ABCB1: variants seen among roughly 807,000 people sequenced by gnomAD.
ABCB1 encodes ATP binding cassette subfamily B member 1, also known as ATP-dependent translocase ABCB1.
A neutral mutation model predicts 142.0 loss-of-function variants in ABCB1; 69 were observed. The ratio of observed to expected loss-of-function variants is 0.49; its 90% CI spans 0.40 to 0.59. The LOEUF (loss-of-function observed/expected upper bound fraction) is 0.59. ABCB1 is among the 20% of genes least tolerant of loss of function. ABCB1 has a pLI of 0.00. For synonymous variants in ABCB1, 532 were observed against 539.2 expected, an observed-to-expected ratio of 0.99 and a Z score of 0.18; for missense variants, 1,326 against 1,554.7, an observed-to-expected ratio of 0.85 and a Z score of 2.47.
intron 3 of ABCB1, among the ~76,000 whole-genome samples, chr7:87,591,872 G>C (rs559022994): frequency 6.6e-6 from 1 of 152,208 alleles, no homozygotes; most frequent in Non-Finnish European, 1.5e-5. Flanking sequence ...CCTGTGATAA[G>C]GGGTTGAGGA....
chr7:87,620,556 G>T (rs941811512), intron 1 of ABCB1, among the ~76,000 whole-genome samples: 1 of 152,038 alleles, frequency 6.6e-6, no homozygotes, highest in Non-Finnish European at 1.5e-5. Context: ...AAATTACTTC[G>T]TGGAATTGGT....
intron 1 of ABCB1, among the ~76,000 whole-genome samples, chr7:87,624,885 A>G (rs1459918387): frequency 6.6e-6 from 1 of 152,194 alleles, no homozygotes; most frequent in Non-Finnish European, 1.5e-5. Context: ...AAAAAGAAAA[A>G]CACAGCTTGT....
chr7:87,545,739 A>G (rs1816751862), intron 15 of ABCB1, 124 bp downstream of exon 15: 2 of 1,015,222 alleles, frequency 2.0e-6, no homozygotes, highest in African/African-American at 3.3e-5. Context: ...CTCATCCTGA[A>G]TCCCCCAGGT....
chr7:87,659,535 A>G (rs552640457), intron 1 of ABCB1, among the ~76,000 whole-genome samples: 1 of 152,258 alleles, frequency 6.6e-6, no homozygotes, highest in African/African-American at 2.4e-5. Flanking sequence ...CTACATACAT[A>G]TAGGACCACA....
intron 1 of ABCB1, among the ~76,000 whole-genome samples, chr7:87,642,295 T>C (rs1822536142): frequency 1.3e-5 from 2 of 152,048 alleles, no homozygotes; most frequent in African/African-American, 4.8e-5. Context: ...AGCATTCTAG[T>C]GTTGATAAAC....
chr7:87,694,107 T>A, intron 1 of ABCB1: 1 of 1,445,946 alleles, frequency 6.9e-7, no homozygotes, highest in Non-Finnish European at 9.2e-7. Flanking sequence ...TTTGTTTTTT[T>A]TTTTTAATCC....
chr7:87,673,003 C>A (rs1456594928), intron 1 of ABCB1, among the ~76,000 whole-genome samples: 1 of 152,162 alleles, frequency 6.6e-6, no homozygotes, highest in Non-Finnish European at 1.5e-5. Flanking sequence ...CTGACTACTC[C>A]CCTGGAATTC....
intron 1 of ABCB1, among the ~76,000 whole-genome samples, chr7:87,619,764 GTA>G (rs57670669): frequency 0.1 from 14,642 of 146,942 alleles, 828 homozygotes; most frequent in African/African-American, 0.17. Context: ...GTGTGTGTGT[GTA>G]TATATATATA....
intron 1 of ABCB1, among the ~76,000 whole-genome samples, chr7:87,618,068 G>C (rs1820085857): frequency 6.6e-6 from 1 of 152,078 alleles, no homozygotes; most frequent in South Asian, 2.1e-4. Context: ...CTTCATACCA[G>C]AATTCAGTCA....
chr7:87,682,607 A>T (rs890537889), intron 1 of ABCB1, among the ~76,000 whole-genome samples: 1 of 152,184 alleles, frequency 6.6e-6, no homozygotes, highest in Non-Finnish European at 1.5e-5. Context: ...GAGCAGTAAT[A>T]CTTTGAAAGG....
intron 2 of ABCB1, among the ~76,000 whole-genome samples, chr7:87,599,498 ACAC>A (rs2129997796): frequency 6.6e-6 from 1 of 152,334 alleles, no homozygotes; most frequent in South Asian, 2.1e-4. Context: ...TGGGCGACCA[ACAC>A]CACTTGAAAA....
At chr7:87,608,615 C>T (rs1031203830) in intron 1 of ABCB1, among the ~76,000 whole-genome samples, 5 of 152,094 alleles carry the variant, frequency 3.3e-5, no homozygotes, top group Admixed American at 6.5e-5. Context: ...CAATATTACC[C>T]GAAATGGCTT....
At chr7:87,628,884 A>G in intron 1 of ABCB1, 1 of 1,298,716 alleles carries the variant, frequency 7.7e-7, no homozygotes, top group Non-Finnish European at 9.8e-7. Flanking sequence ...CGGAGGCGGC[A>G]AGAAAAGCCT....
intron 1 of ABCB1, among the ~76,000 whole-genome samples, chr7:87,687,446 T>C (rs1209584998): frequency 6.6e-6 from 1 of 152,214 alleles, no homozygotes; most frequent in Non-Finnish European, 1.5e-5. Context: ...TCCCCTGAGT[T>C]ACATTAAGTC....
intron 27 of ABCB1, among the ~76,000 whole-genome samples, chr7:87,505,573 A>G (rs556982738): frequency 1.2e-4 from 18 of 152,328 alleles, no homozygotes; most frequent in African/African-American, 4.1e-4. Flanking sequence ...AGATTTTAAC[A>G]CTGTCTTACA....
intron 1 of ABCB1, among the ~76,000 whole-genome samples, chr7:87,616,984 G>A (rs1349295771): frequency 1.3e-5 from 2 of 152,210 alleles, no homozygotes; most frequent in African/African-American, 2.4e-5. Flanking sequence ...TAGGGAATGG[G>A]TTTGTGTGAC....
intron 1 of ABCB1, among the ~76,000 whole-genome samples, chr7:87,626,017 T>TGTATATGTAC (rs1318589695): frequency 2.2e-5 from 3 of 138,732 alleles, no homozygotes; most frequent in African/African-American, 5.8e-5. Context: ...TACATATATA[T>TGTATATGTAC]ATATATAGAG....
chr7:87,545,674 T>C (rs1816747963), intron 15 of ABCB1, among the ~76,000 whole-genome samples, 189 bp downstream of exon 15: 1 of 152,244 alleles, frequency 6.6e-6, no homozygotes, highest in Admixed American at 6.5e-5. Flanking sequence ...TTTATCTGTT[T>C]ATCCTTCTTT....
At chr7:87,644,676 A>G (rs115229840) in intron 1 of ABCB1, among the ~76,000 whole-genome samples, 4,758 of 152,184 alleles carry the variant, frequency 0.031, 74 homozygotes, top group Middle Eastern at 0.048. Context: ...CCTGAAGCAT[A>G]TTGGATAAAT....
Sources: gnomAD v4.1 joint callset for allele counts (sites outside exome capture counted in the v4.1 genomes callset) on GRCh38, gnomAD v4.1.1 for gene constraint, MANE v1.5 for transcripts, NCBI Gene and HGNC (gene_info 2026-07-23, HGNC 2026-07-21) for gene names.